The following SDHB variants were observed in gnomAD, a reference collection of about 807,000 sequenced individuals.
SDHB encodes the protein succinate dehydrogenase complex iron sulfur subunit B.
A neutral mutation model predicts 39.7 loss-of-function variants in SDHB; 21 were observed. The observed-to-expected ratio is 0.53, with a 90% CI of 0.37 to 0.76. The LOEUF is 0.76. SDHB is among the 30% of genes least tolerant of loss of function. SDHB has a pLI of 0.00. For synonymous variants in SDHB, 118 were observed against 117.0 expected (o/e 1.01, Z -0.06); for missense variants, 343 against 350.9 (o/e 0.98, Z 0.18).
intron 7 of SDHB, among the ~76,000 whole-genome samples, chr1:17,020,532 C>A (rs944452039): frequency 9.8e-5 from 15 of 152,364 alleles, no homozygotes; most frequent in Admixed American, 8.5e-4. Flanking sequence ...CTGCACCCAT[C>A]CCCTCCATGC....
At position 17,040,949 on chromosome 1, in the gene SDHB, C is replaced by T. The variant is rs187543847; in HGVS notation, c.200+3812G>A. Among the ~76,000 whole-genome samples, 314 of 152,122 alleles carry T rather than the reference C, an allele frequency of 2.1e-3. 3 individuals are homozygous for T. In the Middle Eastern group the frequency reaches 0.034, roughly 16 times the overall value. ...GTTTAAGACCAGCCTGCCAACATGG[C>T]GAAACCTTGTCTTTACTAAAAATAC... is the stretch of plus-strand genomic sequence containing the variant. On this transcript the variant is annotated intron_variant, in intron 2 of 7. Coordinates refer to ENST00000375499, the MANE Select transcript of SDHB (RefSeq NM_003000.3).
rs575471416 is a variant in SDHB, at chr1:17,028,532, T to C, written c.423+68A>G. On this transcript the variant is annotated intron_variant, in intron 4 of 7. Transcript: ENST00000375499. ...AACAAATCCTGCCCTGAAAAACTAATAGCGTAACACACATAGCACTGCCCC... is the reference window on the plus strand; with the variant it reads ...AACAAATCCTGCCCTGAAAAACTAACAGCGTAACACACATAGCACTGCCCC... 64 of 1,547,858 alleles carry C rather than the reference T, an allele frequency of 4.1e-5. No homozygotes were observed. In the Middle Eastern group the frequency reaches 6.7e-4, roughly 16 times the overall value.
At chr1:17,037,954 C>T (rs140212509) in intron 2 of SDHB, among the ~76,000 whole-genome samples, 10 of 152,234 alleles carry the variant, frequency 6.6e-5, no homozygotes, top group South Asian at 2.1e-4. Flanking sequence ...CTGACCAACA[C>T]GCAGAAACCC....
At chr1:17,042,323 A>G (rs762793874) in intron 2 of SDHB, among the ~76,000 whole-genome samples, 2 of 152,056 alleles carry the variant, frequency 1.3e-5, no homozygotes, top group Non-Finnish European at 2.9e-5. Context: ...CTCCCCTCCA[A>G]TGTCTGCCCA....
intron 1 of SDHB, among the ~76,000 whole-genome samples, chr1:17,050,622 A>C (rs535217194): frequency 7.9e-5 from 12 of 151,064 alleles, no homozygotes; most frequent in African/African-American, 2.9e-4. Flanking sequence ...ACTGCACTCC[A>C]TCCTGGGCAA....
intron 5 of SDHB, among the ~76,000 whole-genome samples, chr1:17,025,660 T>C (rs1414386206): frequency 1.3e-5 from 2 of 152,332 alleles, no homozygotes; most frequent in Admixed American, 6.5e-5. Flanking sequence ...ATGGAGCCTC[T>C]CTGAACCTAT....
At chr1:17,037,899 G>C (rs775390361) in intron 2 of SDHB, among the ~76,000 whole-genome samples, 9 of 152,138 alleles carry the variant, frequency 5.9e-5, no homozygotes, top group African/African-American at 1.7e-4. Flanking sequence ...CACTTTGGGA[G>C]GCCGAGGTGG....
intron 5 of SDHB, among the ~76,000 whole-genome samples, chr1:17,026,619 C>T (rs1041072060): frequency 1.3e-5 from 2 of 152,084 alleles, no homozygotes; most frequent in African/African-American, 4.8e-5. Context: ...CCCACCTCGG[C>T]CTCCCTAAGT....
At chr1:17,041,720 T>C (rs909595507) in intron 2 of SDHB, among the ~76,000 whole-genome samples, 7 of 151,924 alleles carry the variant, frequency 4.6e-5, no homozygotes, top group African/African-American at 1.5e-4. Flanking sequence ...AGAATCTGGA[T>C]TGCATTATGT....
At chr1:17,046,929 G>A (rs1365099907) in intron 1 of SDHB, among the ~76,000 whole-genome samples, 1 of 152,094 alleles carries the variant, frequency 6.6e-6, no homozygotes. Context: ...GTTGGTCAGG[G>A]TAGTCTCAAA....
rs2077967398 is a variant in SDHB at position 17,022,549 on chromosome 1, C to T, written c.765+59G>A. 3 of 1,608,006 alleles carry T rather than the reference C, an allele frequency of 1.9e-6. No homozygotes were observed. The African/African-American group carries it at 4.0e-5, about 21-fold the overall frequency. ...TCTGCCAATCACCTCTTTGTGAGCA[C>T]ATGCTACTTCTGGCGTGTCAGCTCT... On this transcript the variant is annotated intron_variant, in intron 7 of 7. Coordinates refer to ENST00000375499, the MANE Select transcript of SDHB (RefSeq NM_003000.3).
At chr1:17,029,252 T>C (rs1201579260) in intron 3 of SDHB, among the ~76,000 whole-genome samples, 2 of 150,988 alleles carry the variant, frequency 1.3e-5, no homozygotes, top group African/African-American at 4.9e-5. Flanking sequence ...ACTACAGAAG[T>C]AGCCCACCAC....
At chr1:17,046,661 CAT>C (rs916197111) in intron 1 of SDHB, among the ~76,000 whole-genome samples, 23 of 152,120 alleles carry the variant, frequency 1.5e-4, no homozygotes, top group African/African-American at 5.1e-4. Context: ...TTCTGAGATT[CAT>C]ATGTTACTGC....
At position 17,035,327 on chromosome 1, in the gene SDHB, A is replaced by G. The variant is rs556468079; in HGVS notation, c.201-2182T>C. On this transcript the variant is annotated intron_variant, in intron 2 of 7. Coordinates refer to ENST00000375499, the MANE Select transcript of SDHB (RefSeq NM_003000.3). ...AAAAAATTTTAAGTTACTCCCCTAAAACTGCAAAAACTGTATCAGTTGTCC... is the reference window on the plus strand; with the variant it reads ...AAAAAATTTTAAGTTACTCCCCTAAGACTGCAAAAACTGTATCAGTTGTCC... Among the ~76,000 whole-genome samples the G allele has an allele frequency of 7.2e-5, 11 of 152,218 alleles. 1 individual carries two copies. Among genetic ancestry groups the G allele is most frequent in the African/African-American group, 2.2e-4 (9 of 41,546 alleles).
rs2647169 is a variant in SDHB at position 17,044,728 on chromosome 1, C to T, written c.200+33G>A. The stretch of plus-strand genomic sequence containing the variant: ...GTCCCTAAATCAAATCAAGAACTCT[C>T]CTTCAATAGCTGGCTTTCACAGAGA... On this transcript the variant is annotated intron_variant, in intron 2 of 7. Transcript: ENST00000375499. The T allele has an allele frequency of 0.083, 134,121 of 1,610,522 alleles. 6,151 individuals carry two copies. The highest frequency in any genetic ancestry group is 0.17 in the African/African-American group (12,771 of 74,892).
chr1:17,044,130 CTGTTA>C (rs1160090152), intron 2 of SDHB, among the ~76,000 whole-genome samples: 2 of 151,996 alleles, frequency 1.3e-5, no homozygotes, highest in Non-Finnish European at 2.9e-5. Flanking sequence ...TCTGGCGGTT[CTGTTA>C]TTATTATAGA....
At chr1:17,041,131 A>G (rs895593663) in intron 2 of SDHB, among the ~76,000 whole-genome samples, 1 of 152,156 alleles carries the variant, frequency 6.6e-6, no homozygotes, top group East Asian at 1.9e-4. Flanking sequence ...CTCCGTCTCA[A>G]GAAACAAACA....
rs116559260 is a variant in SDHB at position 17,021,765 on chromosome 1, C to A, written c.765+843G>T. ...ACTCTGTCTCCAAAAAAAAAAAAGGCTGAGCTTGGGCTCCCTTTCTCTTGC... is the reference window on the plus strand; with the variant it reads ...ACTCTGTCTCCAAAAAAAAAAAAGGATGAGCTTGGGCTCCCTTTCTCTTGC... On this transcript the variant is annotated intron_variant, in intron 7 of 7. Coordinates refer to ENST00000375499, the MANE Select transcript of SDHB (RefSeq NM_003000.3). Among the ~76,000 whole-genome samples, 753 of 151,862 alleles carry A rather than the reference C, an allele frequency of 5.0e-3. 8 individuals carry two copies. The highest frequency in any genetic ancestry group is 0.017 in the African/African-American group (724 of 41,492).
chr1:17,033,425 T>C (rs967057017), intron 2 of SDHB, among the ~76,000 whole-genome samples: 9 of 152,260 alleles, frequency 5.9e-5, no homozygotes, highest in Non-Finnish European at 1.2e-4. Flanking sequence ...GCCGAGTTTT[T>C]GTTTTTTACT....
Sources: allele counts gnomAD v4.1 joint callset (sites outside exome capture counted in the v4.1 genomes callset), GRCh38; gene constraint gnomAD v4.1.1; transcripts MANE v1.5; gene names NCBI Gene and HGNC (gene_info 2026-07-23, HGNC 2026-07-21).